KCNMA1: variants seen among roughly 807,000 people sequenced by gnomAD.
KCNMA1 encodes the protein Calcium-activated potassium channel subunit alpha-1.
In KCNMA1, 29 loss-of-function variants were observed where a neutral mutation model predicts 140.0. That is an observed-to-expected ratio of 0.21 (90% CI 0.15 to 0.28). The LOEUF is 0.28. Ranked by LOEUF, KCNMA1 falls within the 10% of genes least tolerant of loss-of-function variation. The pLI, the probability that KCNMA1 is intolerant of heterozygous loss-of-function variation, is 1.00. For missense variants in KCNMA1, 880 were observed against 1,602.2 expected, an observed-to-expected ratio of 0.55 and a Z score of 7.70; for synonymous variants, 612 against 611.9, an observed-to-expected ratio of 1.00 and a Z score of 0.00.
At chr10:77,441,909 T>A (rs1603620416) in intron 1 of KCNMA1, among the ~76,000 whole-genome samples, 1 of 152,026 alleles carries the variant, frequency 6.6e-6, no homozygotes, top group Non-Finnish European at 1.5e-5. Context: ...GAGAGTAGGA[T>A]TTCACTCCCT....
chr10:77,208,076 C>T (rs144951966), intron 3 of KCNMA1, among the ~76,000 whole-genome samples: 171 of 152,360 alleles, frequency 1.1e-3, no homozygotes, highest in African/African-American at 4.0e-3. Flanking sequence ...TACACATTCT[C>T]AGTTTCTGAC....
chr10:77,528,608 C>CAAA (rs376809211), intron 1 of KCNMA1, among the ~76,000 whole-genome samples: 1 of 92,036 alleles, frequency 1.1e-5, no homozygotes, highest in Admixed American at 1.2e-4. Context: ...GAGCCCATCT[C>CAAA]AAAAAAAAAA....
In KCNMA1 at chr10:77,404,028, C is replaced by T. The variant is rs975995654; in HGVS notation, c.379-5G>A. 6.2e-7 allele frequency: 1 copy of T among 1,613,856 alleles called. No individual in the cohort carries two copies. The highest frequency in any genetic ancestry group is 1.3e-5 in the African/African-American group (1 of 74,902). On this transcript the variant is annotated splice_polypyrimidine_tract_variant and splice_region_variant and intron_variant, in intron 1 of 27. Coordinates refer to ENST00000286628, the MANE Select transcript of KCNMA1 (RefSeq NM_001161352.2). ...ATTGTTAATCTTCTGGGCCTCCTGGCAACAGAGAGAGCAAGAGTTAAGACA... is the reference window on the plus strand; with the variant it reads ...ATTGTTAATCTTCTGGGCCTCCTGGTAACAGAGAGAGCAAGAGTTAAGACA...
chr10:77,100,221 C>G (rs1432062013), intron 9 of KCNMA1, among the ~76,000 whole-genome samples: 1 of 152,064 alleles, frequency 6.6e-6, no homozygotes, highest in Non-Finnish European at 1.5e-5. Context: ...TTTGTTGAGC[C>G]AATATGTTAG....
intron 2 of KCNMA1, among the ~76,000 whole-genome samples, chr10:77,286,593 C>T (rs1487782155): frequency 1.3e-5 from 2 of 152,092 alleles, no homozygotes; most frequent in African/African-American, 4.8e-5. Context: ...TTCCAAAATT[C>T]CCATGGAAGG....
intron 1 of KCNMA1, among the ~76,000 whole-genome samples, chr10:77,592,981 T>C (rs2253545): frequency 0.91 from 139,219 of 152,220 alleles, 63,811 homozygotes; most frequent in South Asian, 0.97. Flanking sequence ...CCCTGGTCTC[T>C]TTTTCTTGCC....
At position 77,108,188 on chromosome 10, in the gene KCNMA1, C is replaced by T. The variant is rs1325609983; in HGVS notation, c.1223+293G>A. On this transcript the variant is annotated intron_variant, in intron 9 of 27. Transcript: ENST00000286628. This position sits in a 1 kb window ranked among gnomAD's most constrained non-coding sequence, Gnocchi z 4.6. ...GAAACTGGGCCTTCCCTCACAGAAG[C>T]ACCCGGTGGGGTTGGGGAGGGGCAG... 2.1e-6 allele frequency: 2 copies of T among 969,890 alleles called. No individual in the cohort carries two copies. The highest frequency in any genetic ancestry group is 3.0e-6 in the Non-Finnish European group (2 of 675,842). 60.1% of individuals were successfully genotyped at this position (969,890 alleles called of 1,614,324 possible). A position where few individuals can be genotyped will look rare whatever the true frequency, so the allele number is the denominator to read the frequency against.
chr10:76,892,749 G>A (rs768336305), intron 25 of KCNMA1, among the ~76,000 whole-genome samples: 3 of 152,140 alleles, frequency 2.0e-5, no homozygotes, highest in Non-Finnish European at 2.9e-5. Context: ...ATGTCTTGGA[G>A]GTTGCCTAGT....
At chr10:77,535,638 C>G (rs999870923) in intron 1 of KCNMA1, among the ~76,000 whole-genome samples, 1 of 152,184 alleles carries the variant, frequency 6.6e-6, no homozygotes, top group African/African-American at 2.4e-5. Context: ...ACGGAATCAA[C>G]CTGAGTGTCC....
intron 22 of KCNMA1, among the ~76,000 whole-genome samples, chr10:76,947,548 A>G (rs1486348175): frequency 6.6e-6 from 1 of 152,220 alleles, no homozygotes; most frequent in Non-Finnish European, 1.5e-5. Context: ...GTGGAGGAGC[A>G]CATGACAGAA....
intron 25 of KCNMA1, among the ~76,000 whole-genome samples, chr10:76,897,664 G>T (rs1398958590): frequency 6.6e-6 from 1 of 151,522 alleles, no homozygotes; most frequent in Non-Finnish European, 1.5e-5. Flanking sequence ...GAGCAAATTT[G>T]GTTTACTGTT....
intron 1 of KCNMA1, among the ~76,000 whole-genome samples, chr10:77,504,546 C>G (rs902082079): frequency 6.6e-6 from 1 of 152,134 alleles, no homozygotes; most frequent in Non-Finnish European, 1.5e-5. Context: ...AAGCCTTCCA[C>G]AAGCAGACAG....
At chr10:77,601,529 A>G (rs767895105) in intron 1 of KCNMA1, among the ~76,000 whole-genome samples, 1 of 152,196 alleles carries the variant, frequency 6.6e-6, no homozygotes, top group Non-Finnish European at 1.5e-5. Context: ...CCCGTGGATT[A>G]CATATTGACT....
At chr10:77,184,371 C>T (rs754646946) in intron 4 of KCNMA1, among the ~76,000 whole-genome samples, 6 of 152,124 alleles carry the variant, frequency 3.9e-5, no homozygotes, top group Non-Finnish European at 7.3e-5. Flanking sequence ...AGATGCCCGC[C>T]GCCACGCCTG....
chr10:77,163,059 A>G (rs1057392559), intron 5 of KCNMA1, among the ~76,000 whole-genome samples: 2 of 152,216 alleles, frequency 1.3e-5, no homozygotes, highest in South Asian at 2.1e-4. Flanking sequence ...AAATGAATCA[A>G]TTAAAAACCT....
intron 2 of KCNMA1, among the ~76,000 whole-genome samples, chr10:77,288,960 C>T (rs1431752220): frequency 2.0e-5 from 3 of 152,190 alleles, no homozygotes; most frequent in Non-Finnish European, 2.9e-5. Flanking sequence ...GTTGGTTCCA[C>T]CTCACTTAGC....
chr10:76,928,899 C>T (rs2058536406), intron 23 of KCNMA1, among the ~76,000 whole-genome samples: 1 of 152,080 alleles, frequency 6.6e-6, no homozygotes, highest in African/African-American at 2.4e-5. Flanking sequence ...GGAGACAAAA[C>T]AATAAATTTG....
intron 23 of KCNMA1, among the ~76,000 whole-genome samples, chr10:76,932,438 T>TA (rs1211071639): frequency 6.6e-6 from 1 of 152,154 alleles, no homozygotes; most frequent in Non-Finnish European, 1.5e-5. Flanking sequence ...CCAGGCCTAG[T>TA]AAGTGGCAGA....
chr10:77,119,671 C>T (rs1298379497), intron 6 of KCNMA1, among the ~76,000 whole-genome samples: 1 of 152,048 alleles, frequency 6.6e-6, no homozygotes, highest in African/African-American at 2.4e-5. Context: ...TGAAGAAATA[C>T]AATATTCACT....
Sources: allele counts gnomAD v4.1 joint callset (sites outside exome capture counted in the v4.1 genomes callset), GRCh38; gene constraint gnomAD v4.1.1; non-coding constraint Gnocchi (gnomAD v3.1); transcripts MANE v1.5; gene names NCBI Gene and HGNC (gene_info 2026-07-23, HGNC 2026-07-21).